Variants in SUGCT observed in about 807,000 individuals in gnomAD.
The protein encoded by SUGCT is succinyl-CoA:glutarate-CoA transferase.
SUGCT carries 41 observed loss-of-function variants against 55.0 expected under a neutral mutation model. That is an observed-to-expected ratio of 0.74 (90% CI 0.58 to 0.97). The LOEUF is 0.97. Among genes scored for constraint, SUGCT ranks in the 50% least tolerant of loss-of-function variants. The probability of loss-of-function intolerance (pLI) is 0.00; values close to 1 mark genes in which losing one functional copy is unlikely to be tolerated. For missense variants in SUGCT, 568 were observed against 547.8 expected, an observed-to-expected ratio of 1.04 and a Z score of -0.37; for synonymous variants, 187 against 200.4, an observed-to-expected ratio of 0.93 and a Z score of 0.56.
the SUGCT span, among the ~76,000 whole-genome samples, chr7:40,946,272 T>C: frequency 6.6e-6 from 1 of 152,038 alleles, no homozygotes; most frequent in African/African-American, 2.4e-5. Flanking sequence ...CACAGACCTC[T>C]CAAAAATTTC....
intron 7 of SUGCT, among the ~76,000 whole-genome samples, chr7:40,255,684 A>AG (rs1298053678): frequency 6.6e-6 from 1 of 150,542 alleles, no homozygotes; most frequent in African/African-American, 2.4e-5. Context: ...AAAAAAAAAA[A>AG]AAAGAAAATA....
chr7:40,659,878 G>A (rs571749099), intron 12 of SUGCT, among the ~76,000 whole-genome samples: 43 of 152,286 alleles, frequency 2.8e-4, no homozygotes, highest in African/African-American at 9.9e-4. Flanking sequence ...TACACTGTGA[G>A]TGGGAGCCAA....
rs1419874553 is a variant in SUGCT, at chr7:40,641,409, GC to G, written c.1090-108023del. On this transcript the variant is annotated intron_variant, in intron 12 of 13. Transcript: ENST00000335693. ...TTAATGCCTGAGCTCTTCACTGCTT[GC>G]CTGAGAGTTTGCCAAACCAACAGAG... Among the ~76,000 whole-genome samples the G allele has an allele frequency of 2.6e-5, 4 of 152,214 alleles. No homozygotes were observed. The East Asian group carries it at 7.8e-4, about 30-fold the overall frequency.
Position 40,459,135 on chromosome 7 carries a change from A to G in SUGCT, c.923A>G (p.Lys308Arg), listed in dbSNP as rs1370331058. 6.2e-7 allele frequency: 1 copy of G among 1,611,876 alleles called. No homozygotes were observed. The highest frequency in any genetic ancestry group is 8.5e-7 in the Non-Finnish European group (1 of 1,178,696). ...TTGCCTGAGTTGATTGATAATTCCA[A>G]GTATAAAACTAACCACCTTCGGGTA... is the stretch of plus-strand genomic sequence containing the variant. The part of the protein sequence containing the change: ...LDLPELIDNS[K>R]YKTNHLRVHN... Residue 308 changes from lysine (K) to arginine (R), a missense_variant, in exon 11 of 14, where the codon AAG becomes AGG. By Grantham distance (26) the Lys-to-Arg change is conservative (BLOSUM62 2). Transcript: ENST00000335693.
At chr7:40,619,397 G>A (rs1799158565) in intron 12 of SUGCT, among the ~76,000 whole-genome samples, 1 of 152,086 alleles carries the variant, frequency 6.6e-6, no homozygotes, top group African/African-American at 2.4e-5. Context: ...AAAATATTTT[G>A]TTTATTTTAC....
At chr7:40,222,986 T>TTTCCTTCCTTCC (rs200277908) in intron 6 of SUGCT, among the ~76,000 whole-genome samples, 203 of 94,038 alleles carry the variant, frequency 2.2e-3, no homozygotes, top group Middle Eastern at 0.014. Flanking sequence ...TTTTCATTTC[T>TTTCCTTCCTTCC]TTCCTTCCTT....
At chr7:40,366,992 G>A (rs1300982261) in intron 9 of SUGCT, among the ~76,000 whole-genome samples, 2 of 152,098 alleles carry the variant, frequency 1.3e-5, no homozygotes, top group African/African-American at 2.4e-5. Context: ...ACTATTCACA[G>A]TAGCAAAGAG....
rs1368472687 is a variant in SUGCT at position 40,316,778 on chromosome 7, A to G, written c.739A>G (p.Ile247Val). The change falls in exon 9 of 14, where the codon ATA becomes GTA. Residue 247 changes from isoleucine to valine, a missense_variant. Coordinates refer to ENST00000335693, the MANE Select transcript of SUGCT (RefSeq NM_001193313.2). ...LSSQVACLSHIAANYLIGQKE... is the reference protein window; with the variant it reads ...LSSQVACLSHVAANYLIGQKE... ...CTGGTAGGTGGCGTGTTTGTCTCACATAGCTGCAAATTATCTTATTGGTCA... is the reference window on the plus strand; with the variant it reads ...CTGGTAGGTGGCGTGTTTGTCTCACGTAGCTGCAAATTATCTTATTGGTCA... 1.3e-5 allele frequency: 21 copies of G among 1,599,666 alleles called. No individual in the cohort carries two copies. Among genetic ancestry groups the G allele is most frequent in the Admixed American group, 5.1e-5 (3 of 58,336 alleles).
chr7:40,136,464 T>C (rs760701386), intron 1 of SUGCT, among the ~76,000 whole-genome samples: 6 of 152,246 alleles, frequency 3.9e-5, no homozygotes, highest in Non-Finnish European at 7.3e-5. Flanking sequence ...TCTCAGCTTC[T>C]ATCCTCCTTG....
the SUGCT span, among the ~76,000 whole-genome samples, chr7:40,911,567 C>CA: frequency 0.26 from 32,010 of 124,780 alleles, 4,485 homozygotes; most frequent in African/African-American, 0.43. Context: ...GACCCTGTCT[C>CA]AAAAAAAAAA....
At chr7:40,190,928 G>T (rs149120601) in intron 5 of SUGCT, among the ~76,000 whole-genome samples, 11 of 152,284 alleles carry the variant, frequency 7.2e-5, no homozygotes, top group Non-Finnish European at 1.0e-4. Context: ...TGGTTGAAAA[G>T]AATCCACCTA....
intron 7 of SUGCT, among the ~76,000 whole-genome samples, chr7:40,243,550 T>C (rs1218697162): frequency 6.6e-6 from 1 of 152,010 alleles, no homozygotes; most frequent in African/African-American, 2.4e-5. Context: ...AACTCATGAG[T>C]TGGATGATCC....
intron 12 of SUGCT, among the ~76,000 whole-genome samples, chr7:40,516,758 A>G (rs1283105904): frequency 1.3e-5 from 2 of 152,056 alleles, no homozygotes; most frequent in African/African-American, 4.8e-5. Flanking sequence ...GAAATGAAGA[A>G]GTGTCTGTAC....
At chr7:40,361,057 G>T (rs1301740833) in intron 9 of SUGCT, among the ~76,000 whole-genome samples, 1 of 152,122 alleles carries the variant, frequency 6.6e-6, no homozygotes, top group Non-Finnish European at 1.5e-5. Flanking sequence ...TGATTCTTAG[G>T]TGTTTTACTT....
At chr7:40,515,296 T>C (rs1793175626) in intron 12 of SUGCT, among the ~76,000 whole-genome samples, 1 of 152,232 alleles carries the variant, frequency 6.6e-6, no homozygotes, top group Non-Finnish European at 1.5e-5. Flanking sequence ...TCATACACTA[T>C]GTGACCTTTT....
At chr7:40,272,853 T>C (rs1009963941) in intron 7 of SUGCT, among the ~76,000 whole-genome samples, 1 of 150,644 alleles carries the variant, frequency 6.6e-6, no homozygotes, top group Non-Finnish European at 1.5e-5. Flanking sequence ...AGAGACGGGG[T>C]TTCACCATGT....
chr7:40,860,213 T>C lies in SUGCT; in HGVS notation c.1154-103T>C, dbSNP rs1481306059. The C allele has an allele frequency of 1.2e-5, 16 of 1,361,282 alleles. No individual in the cohort carries two copies. The Admixed American group carries it at 2.6e-4, about 22-fold the overall frequency. The allele number at this position is 1,361,282 out of a possible 1,614,324, so 84.3% of individuals were successfully genotyped here. A position where few individuals can be genotyped will look rare whatever the true frequency, so the allele number is the denominator to read the frequency against. Reference sequence around the variant, plus strand: ...TCTGGAAGGGTGTAACTGGCACTCATTGATATTTTTGGCATTCATGGAAAA... The same window carrying C: ...TCTGGAAGGGTGTAACTGGCACTCACTGATATTTTTGGCATTCATGGAAAA... On this transcript the variant is annotated intron_variant, in intron 13 of 13. Coordinates refer to ENST00000335693, the MANE Select transcript of SUGCT (RefSeq NM_001193313.2).
chr7:40,709,824 C>T (rs1785615082), intron 12 of SUGCT, among the ~76,000 whole-genome samples: 1 of 152,190 alleles, frequency 6.6e-6, no homozygotes, highest in African/African-American at 2.4e-5. Flanking sequence ...AAACTACATA[C>T]ATATTGTGGG....
intron 12 of SUGCT, among the ~76,000 whole-genome samples, chr7:40,549,327 A>G (rs1795176727): frequency 6.6e-6 from 1 of 152,246 alleles, no homozygotes; most frequent in African/African-American, 2.4e-5. Context: ...AATAGAAAAT[A>G]TTAAAAATAA....
Sources: allele counts gnomAD v4.1 joint callset (sites outside exome capture counted in the v4.1 genomes callset), GRCh38; gene constraint gnomAD v4.1.1; transcripts MANE v1.5; gene names NCBI Gene and HGNC (gene_info 2026-07-23, HGNC 2026-07-21).